Variants in MEF2A observed in about 807,000 individuals in gnomAD.
MEF2A encodes the protein myocyte-specific enhancer factor 2A.
A neutral mutation model predicts 55.8 loss-of-function variants in MEF2A; 28 were observed. The observed-to-expected ratio is 0.50, with a 90% confidence interval of 0.37 to 0.69. The LOEUF (loss-of-function observed/expected upper bound fraction) is 0.69. Among genes scored for constraint, MEF2A ranks in the 30% least tolerant of loss-of-function variants. The pLI is 0.00. For missense variants in MEF2A, 528 were observed against 626.2 expected, an observed-to-expected ratio of 0.84 and a Z score of 1.67; for synonymous variants, 239 against 227.1, an observed-to-expected ratio of 1.05 and a Z score of -0.47.
intron 7 of MEF2A, among the ~76,000 whole-genome samples, chr15:99,677,953 G>A (rs1433556243): frequency 1.3e-5 from 2 of 152,114 alleles, no homozygotes; most frequent in African/African-American, 4.8e-5. Flanking sequence ...ACGTGCTTTT[G>A]TGGTATTGTA....
At chr15:99,710,919 A>G (rs368743319) in intron 11 of MEF2A, among the ~76,000 whole-genome samples, 159 bp downstream of exon 11, 2 of 152,224 alleles carry the variant, frequency 1.3e-5, no homozygotes, top group East Asian at 1.9e-4. Context: ...ATTTTCTTAC[A>G]TGGCTCTAGA....
chr15:99,624,171 C>T (rs1201505855), intron 2 of MEF2A, among the ~76,000 whole-genome samples: 7 of 152,158 alleles, frequency 4.6e-5, no homozygotes, highest in Non-Finnish European at 1.0e-4. Flanking sequence ...CCGTTTGATG[C>T]ACAGAAGTTT....
chr15:99,618,140 A>G (rs2153230997), intron 2 of MEF2A, among the ~76,000 whole-genome samples: 1 of 152,302 alleles, frequency 6.6e-6, no homozygotes, highest in South Asian at 2.1e-4. Context: ...TATAATCTTC[A>G]ATTAATATTA....
chr15:99,700,426 C>T (rs2153782141), intron 8 of MEF2A, among the ~76,000 whole-genome samples: 1 of 151,680 alleles, frequency 6.6e-6, no homozygotes, highest in East Asian at 2.0e-4. Flanking sequence ...GTGAGAGGAT[C>T]GCTTGAGCCC....
At chr15:99,664,725 G>A (rs73480496) in intron 4 of MEF2A, among the ~76,000 whole-genome samples, 58 of 152,262 alleles carry the variant, frequency 3.8e-4, no homozygotes, top group African/African-American at 1.3e-3. Context: ...AGGAGAGACC[G>A]GTTTAATAAA....
intron 2 of MEF2A, among the ~76,000 whole-genome samples, chr15:99,618,863 A>G (rs997072009): frequency 3.3e-5 from 5 of 152,226 alleles, no homozygotes; most frequent in East Asian, 1.9e-4. Flanking sequence ...AAGTAAAATA[A>G]AAACAGTTTT....
In MEF2A at chr15:99,710,390, G is replaced by A. The variant is rs926833639; in HGVS notation, c.1010-244G>A. 3.9e-5 allele frequency among the ~76,000 whole-genome samples: 6 copies of A among 152,238 alleles called. No individual in the cohort carries two copies. The East Asian group carries it at 1.2e-3, about 29-fold the overall frequency. On this transcript the variant is annotated intron_variant, in intron 10 of 11. Coordinates refer to ENST00000557942, the MANE Select transcript of MEF2A (RefSeq NM_001319206.4). ...CCCAAGTAGCTGGGACTACAGGCAT[G>A]CGCCACCACGCCTGGATAATTTTTG...
Position 99,675,249 on chromosome 15 carries a change from A to T in MEF2A, c.611-150A>T, listed in dbSNP as rs1212599285. 7 of 720,852 alleles carry T rather than the reference A, an allele frequency of 9.7e-6. No individual in the cohort carries two copies. The East Asian group carries it at 1.6e-4, about 16-fold the overall frequency. 44.7% of individuals were successfully genotyped at this position (720,852 alleles called of 1,614,324 possible). ...AATAACTACATCAGATTACATGTTA[A>T]TGCCAACTTCAGACTGAGCTAGTTT... On this transcript the variant is annotated intron_variant, in intron 6 of 11. Coordinates refer to ENST00000557942, the MANE Select transcript of MEF2A (RefSeq NM_001319206.4).
intron 4 of MEF2A, among the ~76,000 whole-genome samples, chr15:99,664,748 C>A (rs2049285368): frequency 6.6e-6 from 1 of 152,120 alleles, no homozygotes; most frequent in African/African-American, 2.4e-5. Flanking sequence ...ATAATGAATT[C>A]TATGGCAGTT....
At chr15:99,566,128 T>A (rs1268994388) in intron 1 of MEF2A, 24 bp downstream of exon 1, 1 of 146,252 alleles carries the variant, frequency 6.8e-6, no homozygotes, top group Non-Finnish European at 1.5e-5. Flanking sequence ...GCAGCGGGGC[T>A]CAGTCCGCGA....
At chr15:99,651,397 C>T (rs2046823007) in intron 4 of MEF2A, among the ~76,000 whole-genome samples, 1 of 152,142 alleles carries the variant, frequency 6.6e-6, no homozygotes, top group African/African-American at 2.4e-5. Flanking sequence ...GTCCTCTTTT[C>T]TCCCCATGTT....
chr15:99,667,322 G>A (rs1048835594), intron 4 of MEF2A, among the ~76,000 whole-genome samples: 5 of 152,152 alleles, frequency 3.3e-5, no homozygotes, highest in African/African-American at 7.2e-5. Flanking sequence ...CCGGGTTTAC[G>A]CCATTCTCCT....
At chr15:99,589,759 T>A (rs1045359348) in intron 1 of MEF2A, among the ~76,000 whole-genome samples, 21 of 152,154 alleles carry the variant, frequency 1.4e-4, no homozygotes, top group Non-Finnish European at 2.6e-4. Flanking sequence ...TTAGAAATCT[T>A]AATTTCCAAA....
chr15:99,657,803 A>C (rs982271470), intron 4 of MEF2A, among the ~76,000 whole-genome samples: 1 of 152,146 alleles, frequency 6.6e-6, no homozygotes, highest in Non-Finnish European at 1.5e-5. Context: ...GTTATTTAGT[A>C]CTGAGCAGAT....
At chr15:99,660,774 A>C (rs2048488945) in intron 4 of MEF2A, among the ~76,000 whole-genome samples, 1 of 152,254 alleles carries the variant, frequency 6.6e-6, no homozygotes, top group Non-Finnish European at 1.5e-5. Context: ...AATGTATCCT[A>C]GTAGAGTTAT....
intron 2 of MEF2A, among the ~76,000 whole-genome samples, chr15:99,608,944 G>A (rs558419879): frequency 6.6e-6 from 1 of 152,128 alleles, no homozygotes; most frequent in South Asian, 2.1e-4. Flanking sequence ...CTGATTTTAG[G>A]CAAAGGTACC....
intron 2 of MEF2A, among the ~76,000 whole-genome samples, chr15:99,616,781 A>G (rs2040256331): frequency 6.6e-6 from 1 of 152,040 alleles, no homozygotes; most frequent in Non-Finnish European, 1.5e-5. Flanking sequence ...GTAATGTTAT[A>G]TTTGGTTTTC....
chr15:99,599,238 T>C (rs1596373235), intron 2 of MEF2A, among the ~76,000 whole-genome samples: 1 of 152,234 alleles, frequency 6.6e-6, no homozygotes. Flanking sequence ...ATTATATTAA[T>C]GCTAGAATAT....
chr15:99,679,121 A>G (rs753307809), intron 7 of MEF2A, among the ~76,000 whole-genome samples: 1 of 152,236 alleles, frequency 6.6e-6, no homozygotes, highest in Non-Finnish European at 1.5e-5. Flanking sequence ...GCACAAACTC[A>G]TACACTGGTA....
Sources: gnomAD v4.1 joint callset for allele counts (sites outside exome capture counted in the v4.1 genomes callset) on GRCh38, gnomAD v4.1.1 for gene constraint, MANE v1.5 for transcripts, NCBI Gene and HGNC (gene_info 2026-07-23, HGNC 2026-07-21) for gene names.